RSRC1: variants seen among roughly 807,000 people sequenced by gnomAD.
The protein encoded by RSRC1 is serine/Arginine-related protein 53.
A neutral mutation model predicts 49.1 loss-of-function variants in RSRC1; 39 were observed. The ratio of observed to expected loss-of-function variants is 0.79; its 90% CI spans 0.61 to 1.04. RSRC1 has a LOEUF of 1.04. RSRC1 is among the 50% of genes least tolerant of loss of function. RSRC1 has a pLI of 0.00. For synonymous variants in RSRC1, 143 were observed against 130.8 expected (o/e 1.09, Z -0.63); for missense variants, 388 against 402.4 (o/e 0.96, Z 0.31).
intron 6 of RSRC1, among the ~76,000 whole-genome samples, chr3:158,438,224 A>G (rs983312010): frequency 3.9e-5 from 6 of 152,134 alleles, no homozygotes; most frequent in Non-Finnish European, 8.8e-5. Context: ...AATCAATGTC[A>G]TGAAAATGGC....
At chr3:158,178,979 TATTA>T (rs773935606) in intron 3 of RSRC1, among the ~76,000 whole-genome samples, 2 of 152,184 alleles carry the variant, frequency 1.3e-5, no homozygotes, top group South Asian at 2.1e-4. Flanking sequence ...GATTTTTATA[TATTA>T]ATTTTATATT....
intron 6 of RSRC1, among the ~76,000 whole-genome samples, chr3:158,452,734 T>G (rs1409536691): frequency 6.6e-6 from 1 of 152,232 alleles, no homozygotes; most frequent in Non-Finnish European, 1.5e-5. Context: ...GCCCCCAGAT[T>G]TATATTAGAG....
intron 7 of RSRC1, among the ~76,000 whole-genome samples, chr3:158,522,731 T>G (rs1287656849): frequency 6.6e-6 from 1 of 152,060 alleles, no homozygotes; most frequent in East Asian, 1.9e-4. Context: ...CATGCTTCAT[T>G]TTTTTTCCCT....
intron 7 of RSRC1, among the ~76,000 whole-genome samples, chr3:158,513,885 G>C (rs1324475131): frequency 1.3e-5 from 2 of 152,184 alleles, no homozygotes; most frequent in African/African-American, 4.8e-5. Context: ...ATTTCTTCTA[G>C]ATTTTCTAGT....
At chr3:158,404,598 C>G (rs2108313016) in intron 6 of RSRC1, among the ~76,000 whole-genome samples, 1 of 151,824 alleles carries the variant, frequency 6.6e-6, no homozygotes, top group Admixed American at 6.6e-5. Flanking sequence ...AGTAAATTTA[C>G]TGTAATTAGT....
intron 5 of RSRC1, among the ~76,000 whole-genome samples, chr3:158,350,421 G>A (rs188895129): frequency 1.9e-3 from 293 of 152,006 alleles, no homozygotes; most frequent in African/African-American, 6.0e-3. Context: ...CGATCTGCCC[G>A]CCTTGGCCTC....
chr3:158,498,320 G>A (rs1739443054), intron 7 of RSRC1, among the ~76,000 whole-genome samples: 1 of 151,570 alleles, frequency 6.6e-6, no homozygotes. Context: ...CATTGGTGAT[G>A]TTGAGCATTT....
At chr3:158,420,137 G>A (rs1182487759) in intron 6 of RSRC1, among the ~76,000 whole-genome samples, 1 of 151,960 alleles carries the variant, frequency 6.6e-6, no homozygotes, top group Non-Finnish European at 1.5e-5. Flanking sequence ...TGGCAGGTGT[G>A]CTCACAGGGT....
At chr3:158,262,163 A>G (rs1281742611) in intron 4 of RSRC1, among the ~76,000 whole-genome samples, 1 of 151,948 alleles carries the variant, frequency 6.6e-6, no homozygotes, top group Non-Finnish European at 1.5e-5. Context: ...TTGTTCTTTT[A>G]TAGGTCATGT....
chr3:158,198,711 G>C (rs1314232990), intron 3 of RSRC1, among the ~76,000 whole-genome samples: 1 of 152,012 alleles, frequency 6.6e-6, no homozygotes, highest in African/African-American at 2.4e-5. Flanking sequence ...GATGAACTTG[G>C]TACCTCAGTT....
intron 6 of RSRC1, among the ~76,000 whole-genome samples, chr3:158,414,378 C>A (rs1734629569): frequency 1.3e-5 from 2 of 151,874 alleles, no homozygotes; most frequent in Non-Finnish European, 2.9e-5. Context: ...GAGAAGGGAA[C>A]AACACACACT....
intron 7 of RSRC1, among the ~76,000 whole-genome samples, chr3:158,521,988 A>G (rs1335128546): frequency 6.6e-6 from 1 of 152,138 alleles, no homozygotes; most frequent in Non-Finnish European, 1.5e-5. Flanking sequence ...TTACATTAAA[A>G]TATAGAAACT....
chr3:158,352,729 T>C (rs958009751), intron 5 of RSRC1, among the ~76,000 whole-genome samples: 2 of 152,164 alleles, frequency 1.3e-5, no homozygotes, highest in African/African-American at 4.8e-5. Flanking sequence ...TTCGTAACCC[T>C]GGGCTTGCGT....
intron 5 of RSRC1, among the ~76,000 whole-genome samples, chr3:158,331,756 A>G (rs115631062): frequency 0.011 from 1,668 of 151,856 alleles, 35 homozygotes; most frequent in African/African-American, 0.038. Flanking sequence ...CCTAACAAAT[A>G]AAAAACAAAA....
At chr3:158,213,364 T>C (rs1265313602) in intron 4 of RSRC1, among the ~76,000 whole-genome samples, 1 of 151,926 alleles carries the variant, frequency 6.6e-6, no homozygotes, top group Non-Finnish European at 1.5e-5. Flanking sequence ...TGAAAGTATA[T>C]AATAAAAGAA....
At chr3:158,268,463 T>C (rs1184983300) in intron 4 of RSRC1, among the ~76,000 whole-genome samples, 1 of 152,152 alleles carries the variant, frequency 6.6e-6, no homozygotes, top group African/African-American at 2.4e-5. Context: ...TTTCTGTTCT[T>C]TTAGCCCTGA....
chr3:158,527,657 C>T (rs1346139024), intron 7 of RSRC1, among the ~76,000 whole-genome samples: 1 of 151,894 alleles, frequency 6.6e-6, no homozygotes, highest in African/African-American at 2.4e-5. Context: ...ATTTCCTTCT[C>T]ATTGATTTTC....
Position 158,229,756 on chromosome 3 carries a change from G to C in RSRC1, c.494+26511G>C, listed in dbSNP as rs985347599. ...CAATTGTTTACATTTTGCCCCATTTGCTTTATCAAATTCTCTTTGTTTCTC... is the reference window on the plus strand; with the variant it reads ...CAATTGTTTACATTTTGCCCCATTTCCTTTATCAAATTCTCTTTGTTTCTC... On this transcript the variant is annotated intron_variant, in intron 4 of 9. Coordinates refer to ENST00000611884, the MANE Select transcript of RSRC1 (RefSeq NM_001271838.2). 2.3e-5 allele frequency among the ~76,000 whole-genome samples: 3 copies of C among 131,990 alleles called. No individual in the cohort carries two copies. The Admixed American group carries it at 2.4e-4, about 10-fold the overall frequency. 86.6% of individuals were successfully genotyped at this position (131,990 alleles called of 152,430 possible).
At chr3:158,452,604 T>A (rs1305169879) in intron 6 of RSRC1, among the ~76,000 whole-genome samples, 2 of 152,182 alleles carry the variant, frequency 1.3e-5, no homozygotes, top group Non-Finnish European at 2.9e-5. Flanking sequence ...TGCCATAGTG[T>A]CTTGGTCATT....
Sources: allele counts gnomAD v4.1 joint callset (sites outside exome capture counted in the v4.1 genomes callset), GRCh38; gene constraint gnomAD v4.1.1; transcripts MANE v1.5; gene names NCBI Gene and HGNC (gene_info 2026-07-23, HGNC 2026-07-21).